The following GTF2IRD1 variants were observed in gnomAD, a reference collection of about 807,000 sequenced individuals.
GTF2IRD1 encodes the protein GTF2I repeat domain containing 1, also known as general transcription factor II-I repeat domain-containing protein 1.
GTF2IRD1 carries 26 observed loss-of-function variants against 113.2 expected under a neutral mutation model. That is an observed-to-expected ratio of 0.23 (90% CI 0.17 to 0.32). GTF2IRD1 has a LOEUF of 0.32. GTF2IRD1 is among the 10% of genes least tolerant of loss of function. GTF2IRD1 has a pLI of 1.00. For missense variants in GTF2IRD1, 864 were observed against 1,280.8 expected (o/e 0.67, Z 4.97); for synonymous variants, 484 against 529.1 (o/e 0.91, Z 1.17).
chr7:74,564,695 G>A (rs1314322954), intron 22 of GTF2IRD1, among the ~76,000 whole-genome samples: 2 of 152,184 alleles, frequency 1.3e-5, no homozygotes, highest in Non-Finnish European at 2.9e-5. Context: ...GTTGGAGGCT[G>A]CAGGGAGCCA....
chr7:74,524,204 A>G, intron 8 of GTF2IRD1, 50 bp downstream of exon 8: 1 of 1,300,868 alleles, frequency 7.7e-7, no homozygotes, highest in African/African-American at 1.5e-5. Context: ...CGTGTTGAGC[A>G]TCTCATTACG....
intron 1 of GTF2IRD1, among the ~76,000 whole-genome samples, chr7:74,499,869 G>A (rs975951304): frequency 2.0e-5 from 3 of 151,820 alleles, no homozygotes; most frequent in Admixed American, 6.6e-5. Flanking sequence ...TGCACACAAA[G>A]GAATGAATGA....
intron 4 of GTF2IRD1, among the ~76,000 whole-genome samples, chr7:74,516,772 C>T (rs1796953266): frequency 6.6e-6 from 1 of 151,974 alleles, no homozygotes; most frequent in Non-Finnish European, 1.5e-5. Context: ...GCCCCGCGCC[C>T]CTGCCCGCCT....
chr7:74,582,245 C>A (rs2130946450), intron 22 of GTF2IRD1, among the ~76,000 whole-genome samples: 1 of 152,316 alleles, frequency 6.6e-6, no homozygotes, highest in Admixed American at 6.5e-5. Context: ...AGCACAGACA[C>A]AAACCCAGTG....
At chr7:74,487,435 C>T (rs1295806855) in intron 1 of GTF2IRD1, 1 of 152,176 alleles carries the variant, frequency 6.6e-6, no homozygotes, top group Non-Finnish European at 1.5e-5. Context: ...CAAAGTGTAA[C>T]ACCTGTTTTT....
chr7:74,510,306 A>ATTT (rs35912885), intron 2 of GTF2IRD1, among the ~76,000 whole-genome samples: 21 of 137,170 alleles, frequency 1.5e-4, no homozygotes, highest in African/African-American at 4.1e-4. Flanking sequence ...GCTATTTGCA[A>ATTT]TTTTTTTTTT....
At chr7:74,552,007 C>T (rs1427080398) in intron 17 of GTF2IRD1, among the ~76,000 whole-genome samples, 4 of 152,130 alleles carry the variant, frequency 2.6e-5, no homozygotes, top group African/African-American at 7.2e-5. Flanking sequence ...GAGGCAACAA[C>T]GTGCTTGGGT....
At chr7:74,575,936 G>C (rs1801020392) in intron 22 of GTF2IRD1, among the ~76,000 whole-genome samples, 1 of 152,006 alleles carries the variant, frequency 6.6e-6, no homozygotes, top group Admixed American at 6.6e-5. Context: ...GGAAGGCTGA[G>C]ACAGAAGGGT....
At chr7:74,523,392 AT>A (rs200754109) in intron 7 of GTF2IRD1, among the ~76,000 whole-genome samples, 2 of 152,162 alleles carry the variant, frequency 1.3e-5, no homozygotes, top group Non-Finnish European at 2.9e-5. Context: ...CCCTGTCTCT[AT>A]TTTTTTAAAA....
intron 14 of GTF2IRD1, among the ~76,000 whole-genome samples, chr7:74,540,635 G>A (rs1211254970): frequency 1.3e-5 from 2 of 151,334 alleles, no homozygotes; most frequent in Non-Finnish European, 1.5e-5. Context: ...CATGTGAAGA[G>A]ATAGATGGAT....
chr7:74,575,211 G>C (rs1186560301), intron 22 of GTF2IRD1, among the ~76,000 whole-genome samples: 4 of 152,130 alleles, frequency 2.6e-5, no homozygotes, highest in African/African-American at 9.7e-5. Context: ...TTAGGAGATT[G>C]CAACATTATT....
chr7:74,540,416 G>A (rs1289444144), intron 14 of GTF2IRD1, among the ~76,000 whole-genome samples: 6 of 152,016 alleles, frequency 3.9e-5, no homozygotes, highest in Non-Finnish European at 5.9e-5. Flanking sequence ...AAAGTGCTGG[G>A]ATTACAGGCG....
chr7:74,562,307 G>T (rs1554359310), intron 22 of GTF2IRD1, among the ~76,000 whole-genome samples: 1 of 152,186 alleles, frequency 6.6e-6, no homozygotes, highest in East Asian at 1.9e-4. Flanking sequence ...GCAGATAGTT[G>T]CAGAGAGGCG....
In GTF2IRD1 at chr7:74,598,865, G is replaced by T. The variant is rs587765160; in HGVS notation, c.2630-2179G>T. On this transcript the variant is annotated intron_variant, in intron 25 of 26. Coordinates refer to ENST00000424337, the MANE Select transcript of GTF2IRD1 (RefSeq NM_005685.4). ...AAAATCCCTCTGACTCATAGCCTGG[G>T]CTCCTCCTGCCTCCAGGGTCTTCTC... Among the ~76,000 whole-genome samples the T allele has an allele frequency of 3.1e-4, 47 of 152,242 alleles. 1 individual carries two copies. In the South Asian group the frequency reaches 8.9e-3, roughly 29 times the overall value.
chr7:74,550,061 G>A (rs1554354534), intron 17 of GTF2IRD1, among the ~76,000 whole-genome samples: 4 of 151,800 alleles, frequency 2.6e-5, no homozygotes, highest in Admixed American at 1.3e-4. Context: ...AGCCAGGCAT[G>A]GTGGCATGCA....
chr7:74,480,347 G>A (rs116834605), intron 1 of GTF2IRD1, among the ~76,000 whole-genome samples: 3,878 of 152,270 alleles, frequency 0.025, 170 homozygotes, highest in African/African-American at 0.087. Flanking sequence ...GGCTGTGGCC[G>A]TGGGAACATG....
In GTF2IRD1 at chr7:74,512,940, G is replaced by A. The variant is rs1554343457; in HGVS notation, c.234G>A (p.Lys78=). The change falls in exon 3 of 27, where the codon AAG becomes AAA. Residue 78 remains lysine, a synonymous_variant. Coordinates refer to ENST00000424337, the MANE Select transcript of GTF2IRD1 (RefSeq NM_005685.4). This position sits in a 1 kb window ranked among gnomAD's most constrained non-coding sequence, Gnocchi z 4.4. ...GGAGAATGTTCCTGAATGCCCGGAA[G>A]GAGCTACAGTCAGACTTCCTCAGGT... ...EKGRMFLNAR[K]ELQSDFLRFC... is the part of the protein sequence containing the mutation. 2 of 1,614,148 alleles carry A rather than the reference G, an allele frequency of 1.2e-6. No individual in the cohort carries two copies. The highest frequency in any genetic ancestry group is 1.7e-6 in the Non-Finnish European group (2 of 1,180,024).
chr7:74,589,891 G>A lies in GTF2IRD1; in HGVS notation c.2361G>A (p.Leu787=). ...DANRLGEKVI[L]REQVKELFNE... The stretch of plus-strand genomic sequence containing the variant: ...ACAGACTCGGGGAGAAGGTGATCCT[G>A]CGGGAGCAGGTGAAGGAACTCTTCA... Residue 787 remains leucine (L), a synonymous_variant, in exon 23 of 27, where the codon CTG becomes CTA. Coordinates refer to ENST00000424337, the MANE Select transcript of GTF2IRD1 (RefSeq NM_005685.4). 1 of 1,612,338 alleles carries A rather than the reference G, an allele frequency of 6.2e-7. No homozygotes were observed. The highest frequency in any genetic ancestry group is 1.1e-5 in the South Asian group (1 of 91,050).
At chr7:74,577,896 C>T (rs1414124741) in intron 22 of GTF2IRD1, among the ~76,000 whole-genome samples, 1 of 152,158 alleles carries the variant, frequency 6.6e-6, no homozygotes, top group Non-Finnish European at 1.5e-5. Context: ...TAACCTCCAA[C>T]TCCTGGGCTC....
Sources: gnomAD v4.1 joint callset for allele counts (sites outside exome capture counted in the v4.1 genomes callset) on GRCh38, gnomAD v4.1.1 for gene constraint, Gnocchi (gnomAD v3.1) non-coding constraint, MANE v1.5 for transcripts, NCBI Gene and HGNC (gene_info 2026-07-23, HGNC 2026-07-21) for gene names.